The following ATP2C1 variants were observed in gnomAD, a reference collection of about 807,000 sequenced individuals.
The protein encoded by ATP2C1 is ATPase secretory pathway Ca2+ transporting 1, also known as calcium-transporting ATPase type 2C member 1.
Under a neutral mutation model 120.5 loss-of-function variants are expected in ATP2C1, and 31 were observed. That is an observed-to-expected ratio of 0.26 (90% confidence interval 0.19 to 0.35). The LOEUF is 0.35. ATP2C1 is among the 10% of genes least tolerant of loss of function. The pLI is 1.00. For missense variants in ATP2C1, 731 were observed against 1,107.5 expected, an observed-to-expected ratio of 0.66 and a Z score of 4.83; for synonymous variants, 351 against 358.7, an observed-to-expected ratio of 0.98 and a Z score of 0.24.
chr3:130,940,511 CAAGT>C (rs2059846368), intron 6 of ATP2C1, 115 bp from the exon 7 acceptor site: 1 of 725,832 alleles, frequency 1.4e-6, no homozygotes, highest in African/African-American at 1.8e-5. Context: ...AATATAAGCA[CAAGT>C]AAAGGAAAAG....
At chr3:130,888,825 G>T (rs1343528942) in intron 1 of ATP2C1, among the ~76,000 whole-genome samples, 1 of 152,172 alleles carries the variant, frequency 6.6e-6, no homozygotes, top group Non-Finnish European at 1.5e-5. Flanking sequence ...TCTTGTGATG[G>T]TATGCAGTTA....
At chr3:130,908,507 T>C (rs1482847881) in intron 2 of ATP2C1, among the ~76,000 whole-genome samples, 1 of 151,814 alleles carries the variant, frequency 6.6e-6, no homozygotes, top group African/African-American at 2.4e-5. Flanking sequence ...TATACACACC[T>C]GTATAGAAAA....
At chr3:130,962,208 T>A (rs1274241480) in intron 12 of ATP2C1, among the ~76,000 whole-genome samples, 2 of 152,050 alleles carry the variant, frequency 1.3e-5, no homozygotes, top group Admixed American at 6.6e-5. Context: ...GGAAATAGAT[T>A]ATGCAGAAGT....
chr3:130,866,840 A>G (rs989904544), intron 1 of ATP2C1, among the ~76,000 whole-genome samples: 4 of 152,218 alleles, frequency 2.6e-5, no homozygotes, highest in African/African-American at 9.6e-5. Flanking sequence ...TCACTTATAT[A>G]TACATAGCAC....
chr3:130,850,898 G>A (rs897566433), exon 1 of ATP2C1: 45 of 1,420,278 alleles, frequency 3.2e-5, no homozygotes, highest in East Asian at 8.3e-5. Flanking sequence ...GATATTTATC[G>A]ACGCTGAGAA....
In ATP2C1 at chr3:130,967,389, A is replaced by C; in HGVS notation, c.1278A>C (p.Thr426=). 1 of 1,613,774 alleles carries C rather than the reference A, an allele frequency of 6.2e-7. No individual in the cohort carries two copies. Among genetic ancestry groups the C allele is most frequent in the Non-Finnish European group, 8.5e-7 (1 of 1,179,754 alleles). Residue 426 remains threonine (T), a synonymous_variant, in exon 16 of 28, where the codon ACA becomes ACC. Transcript: ENST00000510168. ...ACAATACTCTAATGGGGAAGCCAAC[A>C]GAAGGGGCCTTAATTGCTCTTGCAA... is the stretch of plus-strand genomic sequence containing the variant. ...IRNNTLMGKP[T]EGALIALAMK... is the part of the protein sequence containing the mutation.
intron 1 of ATP2C1, among the ~76,000 whole-genome samples, chr3:130,872,392 G>A (rs911324821): frequency 1.3e-5 from 2 of 152,002 alleles, no homozygotes; most frequent in Admixed American, 1.3e-4. Context: ...TAGGACATAT[G>A]TTTAATATGT....
chr3:130,911,705 C>T (rs1367391347), intron 2 of ATP2C1, among the ~76,000 whole-genome samples: 1 of 151,962 alleles, frequency 6.6e-6, no homozygotes, highest in African/African-American at 2.4e-5. Flanking sequence ...CAGTGCCATC[C>T]CCATCAAGCT....
intron 1 of ATP2C1, among the ~76,000 whole-genome samples, chr3:130,859,210 G>A (rs2067938765): frequency 6.6e-6 from 1 of 152,176 alleles, no homozygotes; most frequent in South Asian, 2.1e-4. Context: ...TTTGGTTAGT[G>A]GTAAATACTC....
chr3:131,010,065 T>C (rs972543685), intron 26 of ATP2C1, among the ~76,000 whole-genome samples: 4 of 152,126 alleles, frequency 2.6e-5, no homozygotes, highest in African/African-American at 9.7e-5. Flanking sequence ...GCAAACTTGC[T>C]AGGGGGAAAA....
chr3:130,936,285 C>A (rs976806469), intron 5 of ATP2C1, among the ~76,000 whole-genome samples: 2 of 151,866 alleles, frequency 1.3e-5, no homozygotes, highest in African/African-American at 4.8e-5. Flanking sequence ...ATTTGAATAA[C>A]CAAGTGAACC....
At chr3:130,861,657 A>G (rs544902597) in intron 1 of ATP2C1, among the ~76,000 whole-genome samples, 2 of 152,050 alleles carry the variant, frequency 1.3e-5, no homozygotes, top group Non-Finnish European at 1.5e-5. Flanking sequence ...TTTTATTTTT[A>G]TTTATTTATT....
At chr3:130,855,899 G>A (rs1264598472) in intron 1 of ATP2C1, 1 of 152,250 alleles carries the variant, frequency 6.6e-6, no homozygotes, top group Non-Finnish European at 1.5e-5. Flanking sequence ...CCGAGAAGGA[G>A]TCAGAAAACA....
At chr3:130,902,245 T>A (rs1043144140) in intron 2 of ATP2C1, among the ~76,000 whole-genome samples, 3 of 149,792 alleles carry the variant, frequency 2.0e-5, no homozygotes, top group African/African-American at 7.4e-5. Context: ...TTTAGGGGAG[T>A]TACTTTTGGT....
chr3:130,877,973 C>T (rs866159353), intron 1 of ATP2C1, among the ~76,000 whole-genome samples: 1 of 151,990 alleles, frequency 6.6e-6, no homozygotes, highest in East Asian at 1.9e-4. Context: ...AAAGGATGAG[C>T]TCATGTCCTT....
intron 13 of ATP2C1, among the ~76,000 whole-genome samples, chr3:130,964,349 C>T (rs193020223): frequency 7.8e-4 from 118 of 152,136 alleles, no homozygotes; most frequent in African/African-American, 2.6e-3. Flanking sequence ...CATACAACAA[C>T]TGAAATCTTG....
intron 1 of ATP2C1, among the ~76,000 whole-genome samples, chr3:130,866,273 G>A (rs1040482002): frequency 8.5e-5 from 13 of 152,268 alleles, no homozygotes; most frequent in South Asian, 2.1e-4. Flanking sequence ...TTTCACTAGC[G>A]TCAAAAAACT....
chr3:130,876,260 C>G lies in ATP2C1; in HGVS notation c.108+25332C>G, dbSNP rs115401359. 6.2e-3 allele frequency among the ~76,000 whole-genome samples: 940 copies of G among 152,080 alleles called. 10 individuals are homozygous for G. The highest frequency in any genetic ancestry group is 0.021 in the African/African-American group (871 of 41,514). The stretch of plus-strand genomic sequence containing the variant: ...TTCTAGTAGTTTTAGGGCTTTGTGT[C>G]TTACATTTAATTATTTAATCCATAT... On this transcript the variant is annotated intron_variant, in intron 1 of 26. Transcript: ENST00000504381.
intron 20 of ATP2C1, 98 bp from the exon 21 acceptor site, chr3:130,992,853 T>A: frequency 1.0e-6 from 1 of 973,684 alleles, no homozygotes; most frequent in Non-Finnish European, 1.6e-6. Flanking sequence ...TAAATACAGC[T>A]TAAATTGATG....
Sources: allele counts gnomAD v4.1 joint callset (sites outside exome capture counted in the v4.1 genomes callset), GRCh38; gene constraint gnomAD v4.1.1; transcripts MANE v1.5; gene names NCBI Gene and HGNC (gene_info 2026-07-23, HGNC 2026-07-21).